The following RNF38 variants were observed in gnomAD, a reference collection of about 807,000 sequenced individuals.
RNF38 encodes the protein E3 ubiquitin-protein ligase RNF38.
In RNF38, 15 loss-of-function variants were observed where a neutral mutation model predicts 67.2. The observed-to-expected ratio is 0.22, with a 90% CI of 0.15 to 0.34. The LOEUF is 0.34. Ranked by LOEUF, RNF38 falls within the 10% of genes least tolerant of loss-of-function variation. The probability of loss-of-function intolerance (pLI) is 1.00; values close to 1 mark genes in which losing one functional copy is unlikely to be tolerated. For missense variants in RNF38, 524 were observed against 639.9 expected, an observed-to-expected ratio of 0.82 and a Z score of 1.95; for synonymous variants, 220 against 218.8, an observed-to-expected ratio of 1.01 and a Z score of -0.05.
Position 36,365,662 on chromosome 9 carries a change from G to GTTTTTTT in RNF38, c.570+4050_570+4056dup, listed in dbSNP as rs759974775. ...TAAACCACTTTTGTTAAGACTGATAGTTTTTTTTTTTTTTTTTTTTTGAGA... is the reference window on the plus strand; with the variant it reads ...TAAACCACTTTTGTTAAGACTGATAGTTTTTTTTTTTTTTTTTTTTTTTTTTTTGAGA... On this transcript the variant is annotated intron_variant, in intron 4 of 11. Transcript: ENST00000259605. Among the ~76,000 whole-genome samples the GTTTTTTT allele has an allele frequency of 5.2e-4, 54 of 103,600 alleles. 1 individual carries two copies. Among genetic ancestry groups the GTTTTTTT allele is most frequent in the African/African-American group, 1.2e-3 (30 of 25,852 alleles). 68.0% of individuals were successfully genotyped at this position (103,600 alleles called of 152,430 possible). A position where few individuals can be genotyped will look rare whatever the true frequency, so the allele number is the denominator to read the frequency against.
chr9:36,447,289 T>A (rs900577653), intron 1 of RNF38, among the ~76,000 whole-genome samples: 2 of 152,192 alleles, frequency 1.3e-5, no homozygotes, highest in Admixed American at 1.3e-4. Flanking sequence ...TACATCACAC[T>A]GTTTTGCTTC....
chr9:36,439,159 C>T (rs982567465), intron 1 of RNF38, among the ~76,000 whole-genome samples: 1 of 152,148 alleles, frequency 6.6e-6, no homozygotes, highest in Non-Finnish European at 1.5e-5. Flanking sequence ...TATATTCTAG[C>T]TAATTCTAAC....
chr9:36,484,493 A>G (rs893885772), intron 1 of RNF38, among the ~76,000 whole-genome samples: 2 of 152,328 alleles, frequency 1.3e-5, no homozygotes, highest in African/African-American at 2.4e-5. Context: ...AGTATACTAA[A>G]TATCTCTATA....
chr9:36,390,108 CTA>C (rs1364500919), intron 2 of RNF38, among the ~76,000 whole-genome samples: 2 of 152,224 alleles, frequency 1.3e-5, no homozygotes, highest in Admixed American at 6.5e-5. Flanking sequence ...AAGCAAGTAA[CTA>C]GTGAACATCT....
At chr9:36,453,847 A>G (rs1207385798) in intron 1 of RNF38, among the ~76,000 whole-genome samples, 3 of 152,218 alleles carry the variant, frequency 2.0e-5, no homozygotes, top group African/African-American at 7.2e-5. Context: ...TTTAAGTGTG[A>G]TAATGACATA....
At chr9:36,445,817 CAGCTTTAA>C (rs1179889700) in intron 1 of RNF38, among the ~76,000 whole-genome samples, 1 of 152,226 alleles carries the variant, frequency 6.6e-6, no homozygotes, top group African/African-American at 2.4e-5. Flanking sequence ...CAAAACACCA[CAGCTTTAA>C]CATGTCACCT....
intron 2 of RNF38, among the ~76,000 whole-genome samples, chr9:36,410,916 A>G (rs977668328): frequency 2.0e-5 from 3 of 152,140 alleles, no homozygotes; most frequent in Non-Finnish European, 4.4e-5. Context: ...GTAGAATTTC[A>G]GTTTAGGAAG....
rs556021411 is a variant in RNF38 at position 36,465,670 on chromosome 9, C to T, written n.241+21638G>A. ...CATAGCAGCATTATTCATAATCATC[C>T]AAAATAGGATGCAATCCATATGTGC... On this transcript the variant is annotated intron_variant and non_coding_transcript_variant, in intron 1 of 3. Transcript: ENST00000488058. Among the ~76,000 whole-genome samples the T allele has an allele frequency of 8.5e-5, 13 of 152,260 alleles. No individual in the cohort carries two copies. The East Asian group carries it at 1.7e-3, about 20-fold the overall frequency.
rs1045752273 is a variant in RNF38 at position 36,414,423 on chromosome 9, C to T, written n.312+10190G>A. On this transcript the variant is annotated intron_variant and non_coding_transcript_variant, in intron 2 of 3. Coordinates refer to the RNF38 transcript ENST00000488058. ...TTCAAGATTTAGAACTGGGCTCACGCCTGTTCATCCCAGCACTTTGGGAGG... is the reference window on the plus strand; with the variant it reads ...TTCAAGATTTAGAACTGGGCTCACGTCTGTTCATCCCAGCACTTTGGGAGG... 3.3e-5 allele frequency among the ~76,000 whole-genome samples: 5 copies of T among 152,178 alleles called. No homozygotes were observed. In the South Asian group the frequency reaches 1.0e-3, roughly 32 times the overall value.
chr9:36,348,663 T>C (rs1833477759), intron 9 of RNF38, among the ~76,000 whole-genome samples: 1 of 152,122 alleles, frequency 6.6e-6, no homozygotes, highest in Non-Finnish European at 1.5e-5. Context: ...TCTATCAATG[T>C]TGAGAGAGGT....
chr9:36,395,146 G>A (rs1036071393), intron 1 of RNF38, among the ~76,000 whole-genome samples: 5 of 152,122 alleles, frequency 3.3e-5, no homozygotes, highest in African/African-American at 1.2e-4. Context: ...TACTATTTTA[G>A]GACATCCTTT....
Position 36,340,418 on chromosome 9 carries a change from C to T in RNF38, c.1486-604G>A, listed in dbSNP as rs1298027569. On this transcript the variant is annotated intron_variant, in intron 11 of 11. Coordinates refer to ENST00000259605, the MANE Select transcript of RNF38 (RefSeq NM_022781.5). ...CCCCGTTTTTTGAGACAGGGTTAAA[C>T]CCTGTTGCCCACAGGAGCACAGTGG... Among the ~76,000 whole-genome samples the T allele has an allele frequency of 2.6e-5, 4 of 152,206 alleles. No individual in the cohort carries two copies. The East Asian group carries it at 7.7e-4, about 29-fold the overall frequency.
intron 1 of RNF38, among the ~76,000 whole-genome samples, chr9:36,442,523 T>C (rs1004496893): frequency 1.3e-5 from 2 of 152,224 alleles, no homozygotes; most frequent in Non-Finnish European, 2.9e-5. Flanking sequence ...GGCTCACGCC[T>C]GTAATCCCAG....
intron 2 of RNF38, among the ~76,000 whole-genome samples, chr9:36,413,707 G>GTTTGTTTT (rs1387506619): frequency 6.6e-6 from 1 of 151,952 alleles, no homozygotes; most frequent in Non-Finnish European, 1.5e-5. Flanking sequence ...TTGTTTGTTT[G>GTTTGTTTT]TTTTTGCAGC....
chr9:36,407,416 G>C (rs570585053), intron 2 of RNF38, among the ~76,000 whole-genome samples: 13 of 152,330 alleles, frequency 8.5e-5, no homozygotes, highest in African/African-American at 3.1e-4. Flanking sequence ...GTGTGAAGGG[G>C]CTAAAGCAGG....
chr9:36,449,005 AAAAGAAAGAAAG>A (rs530863234), intron 1 of RNF38, among the ~76,000 whole-genome samples: 1 of 151,964 alleles, frequency 6.6e-6, no homozygotes, highest in African/African-American at 2.4e-5. Flanking sequence ...AAAAAATTAA[AAAAGAAAGAAAG>A]AAAGAAAGAA....
intron 3 of RNF38, among the ~76,000 whole-genome samples, chr9:36,375,703 G>GATAAAAT (rs1835738941): frequency 6.6e-6 from 1 of 152,118 alleles, no homozygotes; most frequent in African/African-American, 2.4e-5. Context: ...ATATATAATG[G>GATAAAAT]CATCGACTGA....
At chr9:36,380,090 G>A (rs1836098133) in intron 2 of RNF38, among the ~76,000 whole-genome samples, 1 of 152,098 alleles carries the variant, frequency 6.6e-6, no homozygotes. Context: ...AGAACAGAAT[G>A]GAAGTATAAA....
intron 1 of RNF38, among the ~76,000 whole-genome samples, chr9:36,473,573 A>G (rs1255058599): frequency 6.6e-6 from 1 of 151,926 alleles, no homozygotes; most frequent in Non-Finnish European, 1.5e-5. Flanking sequence ...GGGCAACAAG[A>G]GCGAAACTCC....
Sources: allele counts gnomAD v4.1 joint callset (sites outside exome capture counted in the v4.1 genomes callset), GRCh38; gene constraint gnomAD v4.1.1; transcripts MANE v1.5; gene names NCBI Gene and HGNC (gene_info 2026-07-23, HGNC 2026-07-21).